PRR5: variants seen among roughly 807,000 people sequenced by gnomAD.
PRR5 encodes the protein proline rich 5.
In PRR5, 25 loss-of-function variants were observed where a neutral mutation model predicts 30.6. That is an observed-to-expected ratio of 0.82 (90% CI 0.60 to 1.14). The LOEUF (loss-of-function observed/expected upper bound fraction) is 1.14, where lower values mean the gene tolerates loss of function less well. Ranked by LOEUF, PRR5 falls within the 50% of genes most tolerant of loss-of-function variation. The probability of loss-of-function intolerance (pLI) is 0.00; values close to 1 mark genes in which losing one functional copy is unlikely to be tolerated. For synonymous variants in PRR5, 286 were observed against 247.1 expected, an observed-to-expected ratio of 1.16 and a Z score of -1.48; for missense variants, 600 against 547.1, an observed-to-expected ratio of 1.10 and a Z score of -0.96.
chr22:44,706,880 C>A (rs1023802967), intron 1 of PRR5, among the ~76,000 whole-genome samples: 2 of 151,834 alleles, frequency 1.3e-5, no homozygotes, highest in African/African-American at 4.8e-5. Context: ...GCCGGCCGGG[C>A]CCCCCTTACA....
intron 1 of PRR5, among the ~76,000 whole-genome samples, chr22:44,712,287 C>A (rs555869916): frequency 2.0e-5 from 3 of 152,356 alleles, no homozygotes; most frequent in African/African-American, 7.2e-5. Flanking sequence ...CCAGTGCCCG[C>A]TGAGAAGCTG....
intron 2 of PRR5, among the ~76,000 whole-genome samples, chr22:44,721,939 C>T (rs976897217): frequency 6.6e-6 from 1 of 152,216 alleles, no homozygotes; most frequent in Non-Finnish European, 1.5e-5. Flanking sequence ...GCAAGTAATG[C>T]CTGCGGTAAC....
rs536868117 is a variant in PRR5 at position 44,725,226 on chromosome 22, C to T, written c.216-18C>T. The T allele has an allele frequency of 3.8e-5, 61 of 1,613,760 alleles. No homozygotes were observed. The South Asian group carries it at 6.1e-4, about 16-fold the overall frequency. On this transcript the variant is annotated intron_variant, in intron 2 of 7. Transcript: ENST00000336985. ...CGTGTGGTCTGGGACTCACTCTTGT[C>T]TCACCTCCCACCCACAGGCAGCTGT...
At chr22:44,719,322 A>G (rs950614151) in intron 2 of PRR5, among the ~76,000 whole-genome samples, 2 of 151,948 alleles carry the variant, frequency 1.3e-5, no homozygotes, top group Non-Finnish European at 2.9e-5. Flanking sequence ...GGCTCAAGCA[A>G]TCCTCCTGCC....
intron 4 of PRR5, chr22:44,730,086 C>A (rs2147156186): frequency 1.0e-6 from 1 of 985,422 alleles, no homozygotes; most frequent in South Asian, 4.7e-5. Flanking sequence ...TCCAGCTCGG[C>A]CCCAGCCCCC....
At chr22:44,679,758 C>T in intron 1 of PRR5, 6 of 1,506,842 alleles carry the variant, frequency 4.0e-6, no homozygotes, top group Non-Finnish European at 5.4e-6. Context: ...CGCTCTGGGA[C>T]ACTCAGTCTG....
At chr22:44,733,155 G>A (rs1446370658) in intron 6 of PRR5, among the ~76,000 whole-genome samples, 1 of 152,274 alleles carries the variant, frequency 6.6e-6, no homozygotes, top group Non-Finnish European at 1.5e-5. Context: ...CCCCCTCACA[G>A]CAGGTGGGGA....
intron 3 of PRR5, 140 bp from the exon 4 acceptor site, chr22:44,726,436 TG>T: frequency 8.2e-7 from 1 of 1,222,250 alleles, no homozygotes. Flanking sequence ...CTGCAGCAGG[TG>T]GACTGTGGGA....
upstream of PRR5, among the ~76,000 whole-genome samples, chr22:44,701,238 G>C (rs1307495902): frequency 6.6e-6 from 1 of 152,196 alleles, no homozygotes; most frequent in African/African-American, 2.4e-5. Flanking sequence ...CCCCCCATCT[G>C]ATGGAGGGGT....
upstream of PRR5, among the ~76,000 whole-genome samples, chr22:44,697,870 G>A (rs1925905348): frequency 6.6e-6 from 1 of 152,208 alleles, no homozygotes; most frequent in African/African-American, 2.4e-5. Context: ...GGGGCAGTGT[G>A]TTTAGTGGCC....
chr22:44,697,870 GT>G (rs2146987560), upstream of PRR5, among the ~76,000 whole-genome samples: 1 of 152,326 alleles, frequency 6.6e-6, no homozygotes, highest in Middle Eastern at 3.4e-3. Flanking sequence ...GGGGCAGTGT[GT>G]TTAGTGGCCG....
At chr22:44,724,859 G>A (rs943122139) in intron 2 of PRR5, among the ~76,000 whole-genome samples, 2 of 152,230 alleles carry the variant, frequency 1.3e-5, no homozygotes, top group African/African-American at 2.4e-5. Flanking sequence ...GAGAGAGGAG[G>A]AGCCCGTGGC....
At chr22:44,711,930 TG>T (rs1928303083) in intron 1 of PRR5, among the ~76,000 whole-genome samples, 1 of 152,040 alleles carries the variant, frequency 6.6e-6, no homozygotes, top group Non-Finnish European at 1.5e-5. Flanking sequence ...TGGTTGCCGT[TG>T]GGGGACAGCT....
At chr22:44,702,692 C>T in intron 1 of PRR5, 84 bp downstream of exon 1, 1 of 1,228,720 alleles carries the variant, frequency 8.1e-7, no homozygotes, top group Non-Finnish European at 1.0e-6. Context: ...AGGGGCCGCC[C>T]CGAGCCAGGA....
At chr22:44,736,656 G>C (rs538539005) in intron 7 of PRR5, 116 bp from the exon 8 acceptor site, 20 of 1,450,432 alleles carry the variant, frequency 1.4e-5, no homozygotes, top group Admixed American at 2.4e-5. Flanking sequence ...GCCCCGGGTC[G>C]GGCCTTCCCT....
At chr22:44,711,219 G>A (rs1294170180) in intron 1 of PRR5, among the ~76,000 whole-genome samples, 1 of 152,192 alleles carries the variant, frequency 6.6e-6, no homozygotes. Flanking sequence ...GCCAGGTGGG[G>A]CGTCAGGAGG....
intron 1 of PRR5, among the ~76,000 whole-genome samples, chr22:44,690,353 G>T (rs557472690): frequency 8.2e-4 from 125 of 152,246 alleles, no homozygotes; most frequent in African/African-American, 2.9e-3. Context: ...CACAAGGCAG[G>T]GGGAGGGAGG....
rs542737168 is a variant in PRR5, at chr22:44,691,635, G to A, written c.-10-10857G>A. 2.0e-5 allele frequency among the ~76,000 whole-genome samples: 3 copies of A among 152,160 alleles called. No individual in the cohort carries two copies. Among genetic ancestry groups the A allele is most frequent in the African/African-American group, 4.8e-5 (2 of 41,452 alleles). On this transcript the variant is annotated intron_variant, in intron 1 of 8. Transcript: ENST00000006251. The surrounding 1 kb of genome is among the most constrained non-coding windows in gnomAD (Gnocchi z 4.4). ...CTAAAAACACAAAAACTAGCCAGGC[G>A]TGGTGGTGCACGCCTGTAATCGCAG...
intron 4 of PRR5, 25 bp from the exon 5 acceptor site, chr22:44,731,705 G>T: frequency 1.9e-6 from 3 of 1,612,590 alleles, no homozygotes; most frequent in Non-Finnish European, 2.5e-6. Context: ...GTCAGGCCCA[G>T]TGGTGATGGC....
Sources: allele counts gnomAD v4.1 joint callset (sites outside exome capture counted in the v4.1 genomes callset), GRCh38; gene constraint gnomAD v4.1.1; non-coding constraint Gnocchi (gnomAD v3.1); transcripts MANE v1.5; gene names NCBI Gene and HGNC (gene_info 2026-07-23, HGNC 2026-07-21).